The following NEMF variants were observed in gnomAD, a reference collection of about 807,000 sequenced individuals.
NEMF encodes the protein ribosome quality control complex subunit NEMF.
NEMF carries 89 observed loss-of-function variants against 162.2 expected under a neutral mutation model. The ratio of observed to expected loss-of-function variants is 0.55; its 90% CI spans 0.46 to 0.65. The LOEUF (loss-of-function observed/expected upper bound fraction) is 0.65. Among genes scored for constraint, NEMF ranks in the 30% least tolerant of loss-of-function variants. The pLI is 0.00. For missense variants in NEMF, 1,133 were observed against 1,261.9 expected (o/e 0.90, Z 1.55); for synonymous variants, 421 against 404.5 (o/e 1.04, Z -0.49).
intron 16 of NEMF, among the ~76,000 whole-genome samples, chr14:49,817,468 G>A (rs1776210905): frequency 6.6e-6 from 1 of 151,854 alleles, no homozygotes; most frequent in Non-Finnish European, 1.5e-5. Context: ...AAATAAAAAA[G>A]ATATACCATG....
chr14:49,794,620 A>G (rs1486441127), intron 26 of NEMF, among the ~76,000 whole-genome samples: 3 of 123,500 alleles, frequency 2.4e-5, no homozygotes, highest in African/African-American at 1.0e-4. Context: ...CCCTGTCTCT[A>G]AAAAAAAAAA....
Position 49,838,180 on chromosome 14 carries a change from G to C in NEMF, c.533C>G (p.Pro178Arg), listed in dbSNP as rs1445602120. Residue 178 changes from proline to arginine, a missense_variant, in exon 6 of 33, where the codon CCT (proline) becomes CGT (arginine). This residue lies in a region of NEMF where 582 missense variants were observed against 631.5 expected (regional missense o/e 0.92). Transcript: ENST00000298310. Reference protein sequence around the residue: ...ERLTEIVASAPKGELLKRVLN... With the variant: ...ERLTEIVASARKGELLKRVLN... ...CACCCTCTTCAGTAGTTCACCCTTA[G>C]GTGCGCTGGCTACTATTTCAGTCAA... is the stretch of plus-strand genomic sequence containing the variant. 15 of 1,613,782 alleles carry C rather than the reference G, an allele frequency of 9.3e-6. No homozygotes were observed. The highest frequency in any genetic ancestry group is 1.3e-5 in the Non-Finnish European group (15 of 1,179,856).
intron 8 of NEMF, among the ~76,000 whole-genome samples, chr14:49,833,159 G>A (rs1892728780): frequency 1.3e-5 from 2 of 152,016 alleles, no homozygotes; most frequent in South Asian, 2.1e-4. Flanking sequence ...CCAGCTACTC[G>A]GGAGGCTGAG....
chr14:49,851,894 CAT>C lies in NEMF; in HGVS notation c.60-21_60-20del, dbSNP rs554011035. ...TAGCAAGCTGCAAAGATAAAGGAAA[CAT>C]GTAACATGTTACACTATTGTCTGAA... On this transcript the variant is annotated intron_variant, in intron 1 of 32. Transcript: ENST00000298310. 1.3e-4 allele frequency: 181 copies of C among 1,432,808 alleles called. 1 individual carries two copies. The South Asian group carries it at 2.1e-3, about 16-fold the overall frequency. The allele number at this position is 1,432,808 out of a possible 1,614,324, so 88.8% of individuals were successfully genotyped here. A position where few individuals can be genotyped will look rare whatever the true frequency, so the allele number is the denominator to read the frequency against.
At chr14:49,792,129 T>A (rs1475977595) in intron 26 of NEMF, among the ~76,000 whole-genome samples, 1 of 150,630 alleles carries the variant, frequency 6.6e-6, no homozygotes, top group African/African-American at 2.4e-5. Flanking sequence ...GGCAACAAAG[T>A]AAGACCCAGT....
intron 3 of NEMF, among the ~76,000 whole-genome samples, chr14:49,849,132 A>T (rs1893653791): frequency 6.6e-6 from 1 of 152,150 alleles, no homozygotes; most frequent in Non-Finnish European, 1.5e-5. Flanking sequence ...TTTAAGAATG[A>T]CCTATACTGA....
rs199894505 is a variant in NEMF, at chr14:49,799,443, G to A, written c.2465+32C>T. ...TCAATTAAAAAAAAAAGAAAAACAT[G>A]CTTTTTAGTTAATTAACACAGATGT... On this transcript the variant is annotated intron_variant, in intron 25 of 32. Transcript: ENST00000298310. 4,889 of 1,555,384 alleles carry A rather than the reference G, an allele frequency of 3.1e-3. 14 individuals are homozygous for A. The highest frequency in any genetic ancestry group is 3.5e-3 in the Non-Finnish European group (4,037 of 1,151,954).
chr14:49,831,296 T>A lies in NEMF; in HGVS notation c.945+3A>T. On this transcript the variant is annotated splice_donor_region_variant and intron_variant, in intron 11 of 32. Coordinates refer to ENST00000298310, the MANE Select transcript of NEMF (RefSeq NM_004713.6). The stretch of plus-strand genomic sequence containing the variant: ...TTTAATATGTGTTTTTAATAATACA[T>A]ACCTGTTGTAAAGCTTTTAAGTCAA... The A allele has an allele frequency of 1.3e-6, 2 of 1,513,124 alleles. No homozygotes were observed. The allele number at this position is 1,513,124 out of a possible 1,614,324, so 93.7% of individuals were successfully genotyped here.
At chr14:49,815,895 C>T (rs958100939) in intron 16 of NEMF, among the ~76,000 whole-genome samples, 2 of 152,114 alleles carry the variant, frequency 1.3e-5, no homozygotes, top group East Asian at 1.9e-4. Context: ...ACCTGGGAGG[C>T]GGAGCTTGCA....
intron 19 of NEMF, among the ~76,000 whole-genome samples, chr14:49,804,938 G>A (rs1215104273): frequency 6.6e-6 from 1 of 152,068 alleles, no homozygotes; most frequent in Non-Finnish European, 1.5e-5. Context: ...GCAGAGGCAG[G>A]AGAATCGCTT....
Position 49,782,637 on chromosome 14 carries a change from G to T in NEMF, c.*1999C>A, listed in dbSNP as rs574385467. On this transcript the variant is annotated 3_prime_UTR_variant, in exon 33 of 33. Transcript: ENST00000298310. ...TGGCACTTAGATTATTTAAAATTGT[G>T]TTTCCTAAGACTTAGCACTCTCGAA... 2.0e-6 allele frequency: 3 copies of T among 1,522,350 alleles called. No individual in the cohort carries two copies. The highest frequency in any genetic ancestry group is 2.4e-5 in the South Asian group (2 of 84,042). The allele number at this position is 1,522,350 out of a possible 1,614,324, so 94.3% of individuals were successfully genotyped here. A position where few individuals can be genotyped will look rare whatever the true frequency, so the allele number is the denominator to read the frequency against.
chr14:49,844,601 AT>A (rs1453203018), intron 4 of NEMF, among the ~76,000 whole-genome samples: 7 of 152,166 alleles, frequency 4.6e-5, no homozygotes, highest in Admixed American at 4.6e-4. Context: ...TGTAGACTTG[AT>A]AAATACTGCA....
intron 15 of NEMF, among the ~76,000 whole-genome samples, chr14:49,827,017 C>A (rs571449887): frequency 6.6e-6 from 1 of 152,142 alleles, no homozygotes; most frequent in South Asian, 2.1e-4. Context: ...ATTTTATGAA[C>A]AGCTAAGATC....
chr14:49,814,110 T>C, intron 17 of NEMF, 60 bp from the exon 18 acceptor site: 2 of 1,067,272 alleles, frequency 1.9e-6, no homozygotes, highest in East Asian at 2.4e-5. Context: ...TTTTCCTTTT[T>C]TTTTTTTCAG....
chr14:49,820,327 A>C (rs575856708), intron 16 of NEMF: 35 of 424,200 alleles, frequency 8.3e-5, no homozygotes, highest in Non-Finnish European at 1.3e-4. Context: ...TGGCTCAAAG[A>C]AAAGTTAATG....
At chr14:49,806,636 A>G (rs1351584587) in intron 18 of NEMF, among the ~76,000 whole-genome samples, 1 of 144,414 alleles carries the variant, frequency 6.9e-6, no homozygotes, top group Non-Finnish European at 1.5e-5. Flanking sequence ...TTAAAAATGT[A>G]TTTTTAATAC....
intron 26 of NEMF, among the ~76,000 whole-genome samples, chr14:49,792,170 C>G (rs987465722): frequency 1.4e-4 from 21 of 151,982 alleles, no homozygotes; most frequent in Non-Finnish European, 8.8e-5. Flanking sequence ...CTCACAAAAC[C>G]CAAAACATTA....
intron 6 of NEMF, among the ~76,000 whole-genome samples, chr14:49,836,601 G>A (rs920077308): frequency 7.3e-5 from 11 of 150,838 alleles, no homozygotes; most frequent in African/African-American, 1.2e-4. Flanking sequence ...AGCAGTGTTC[G>A]TGGCACCGCA....
At chr14:49,837,559 C>CA (rs1418584494) in intron 6 of NEMF, among the ~76,000 whole-genome samples, 1 of 151,900 alleles carries the variant, frequency 6.6e-6, no homozygotes, top group Non-Finnish European at 1.5e-5. Context: ...CTTAAACATA[C>CA]AAATTTTACA....
Sources: gnomAD v4.1 joint callset for allele counts (sites outside exome capture counted in the v4.1 genomes callset) on GRCh38, gnomAD v4.1.1 for gene constraint, gnomAD v4.1.1 regional missense constraint, MANE v1.5 for transcripts, NCBI Gene and HGNC (gene_info 2026-07-23, HGNC 2026-07-21) for gene names.